PACSIN2: variants seen among roughly 807,000 people sequenced by gnomAD.
PACSIN2 encodes protein kinase C and casein kinase substrate in neurons 2.
PACSIN2 carries 25 observed loss-of-function variants against 63.8 expected under a neutral mutation model. That is an observed-to-expected ratio of 0.39 (90% CI 0.29 to 0.55). The LOEUF (loss-of-function observed/expected upper bound fraction) is 0.55, where lower values mean the gene tolerates loss of function less well. Ranked by LOEUF, PACSIN2 falls within the 20% of genes least tolerant of loss-of-function variation. The pLI is 0.62. For missense variants in PACSIN2, 518 were observed against 646.9 expected (o/e 0.80, Z 2.16); for synonymous variants, 255 against 256.2 (o/e 1.00, Z 0.05).
rs57361433 is a variant in PACSIN2 at position 42,984,122 on chromosome 22, C to A, written c.-78+30899G>T. ...AGCAGCTGGGATCATAGGTGTGCACCACCACATCTGGCTAATTTTTATGTT... is the reference window on the plus strand; with the variant it reads ...AGCAGCTGGGATCATAGGTGTGCACAACCACATCTGGCTAATTTTTATGTT... On this transcript the variant is annotated intron_variant, in intron 1 of 10. Transcript: ENST00000263246. Among the ~76,000 whole-genome samples the A allele has an allele frequency of 2.1e-4, 32 of 152,060 alleles. No individual in the cohort carries two copies. The East Asian group carries it at 4.6e-3, about 22-fold the overall frequency.
intron 1 of PACSIN2, among the ~76,000 whole-genome samples, chr22:43,009,072 T>C (rs754015061): frequency 6.6e-6 from 1 of 152,158 alleles, no homozygotes; most frequent in African/African-American, 2.4e-5. Flanking sequence ...GATGAACAAA[T>C]AGTTTCCTCT....
At chr22:42,992,153 AAACT>A (rs1330630607) in intron 1 of PACSIN2, among the ~76,000 whole-genome samples, 1 of 152,270 alleles carries the variant, frequency 6.6e-6, no homozygotes, top group Non-Finnish European at 1.5e-5. Flanking sequence ...AAAAATTTCA[AAACT>A]AAGTTAATAA....
At chr22:42,905,989 G>T (rs1320090986) in intron 2 of PACSIN2, among the ~76,000 whole-genome samples, 2 of 152,258 alleles carry the variant, frequency 1.3e-5, no homozygotes, top group Non-Finnish European at 2.9e-5. Flanking sequence ...CCCATGTGCT[G>T]TGCATGGCAC....
chr22:42,953,171 A>G (rs1933774334), intron 1 of PACSIN2, among the ~76,000 whole-genome samples: 3 of 152,182 alleles, frequency 2.0e-5, no homozygotes, highest in South Asian at 2.1e-4. Context: ...TGGAGTTAAA[A>G]TGTTTTCTAT....
chr22:42,961,765 C>T (rs192417893), intron 1 of PACSIN2, among the ~76,000 whole-genome samples: 1 of 151,862 alleles, frequency 6.6e-6, no homozygotes, highest in East Asian at 1.9e-4. Flanking sequence ...AGAGCGAGAT[C>T]CTGTCTCAAA....
intron 1 of PACSIN2, among the ~76,000 whole-genome samples, chr22:42,983,497 A>AAAC (rs1555944096): frequency 6.9e-6 from 1 of 144,784 alleles, no homozygotes; most frequent in Non-Finnish European, 1.5e-5. Context: ...CTCAAAAAAA[A>AAAC]AAAAAAAAAA....
At chr22:42,920,367 G>C (rs578096754) in intron 1 of PACSIN2, among the ~76,000 whole-genome samples, 1 of 152,308 alleles carries the variant, frequency 6.6e-6, no homozygotes, top group Admixed American at 6.5e-5. Flanking sequence ...ATGGGGTGGT[G>C]TGTGCTGAGT....
At chr22:43,013,989 G>A (rs1484477087) in intron 1 of PACSIN2, among the ~76,000 whole-genome samples, 1 of 152,106 alleles carries the variant, frequency 6.6e-6, no homozygotes, top group Non-Finnish European at 1.5e-5. Flanking sequence ...ATACGTCAAA[G>A]GCTGCAGCCG....
chr22:42,933,671 C>T (rs575744537), intron 1 of PACSIN2, among the ~76,000 whole-genome samples: 3 of 152,218 alleles, frequency 2.0e-5, no homozygotes, highest in Non-Finnish European at 4.4e-5. Flanking sequence ...CAAACCCCAA[C>T]GGGGCCCTCA....
intron 1 of PACSIN2, among the ~76,000 whole-genome samples, chr22:42,931,742 A>G (rs978363214): frequency 1.3e-5 from 2 of 152,190 alleles, no homozygotes; most frequent in African/African-American, 4.8e-5. Flanking sequence ...TTTTTAATTT[A>G]ACAGAGCCAT....
chr22:42,895,425 A>T (rs955730419), intron 2 of PACSIN2, among the ~76,000 whole-genome samples: 3 of 152,216 alleles, frequency 2.0e-5, no homozygotes, highest in Non-Finnish European at 4.4e-5. Context: ...GCTGGTTTTC[A>T]TCTGCCTATT....
At position 42,930,489 on chromosome 22, in the gene PACSIN2, G is replaced by C. The variant is rs1932762124; in HGVS notation, c.-77-18332C>G. On this transcript the variant is annotated intron_variant, in intron 1 of 10. Coordinates refer to ENST00000263246, the MANE Select transcript of PACSIN2 (RefSeq NM_001184970.3). Reference sequence around the variant, plus strand: ...TCAATCCTGACCCAAGAAGTACATGGATACCCACGTTCACACCACATAAAC... The same window carrying C: ...TCAATCCTGACCCAAGAAGTACATGCATACCCACGTTCACACCACATAAAC... Among the ~76,000 whole-genome samples, 2 of 152,104 alleles carry C rather than the reference G, an allele frequency of 1.3e-5. 1 individual carries two copies. Among genetic ancestry groups the C allele is most frequent in the Non-Finnish European group, 2.9e-5 (2 of 68,038 alleles).
chr22:42,924,761 T>A (rs1287367735), intron 1 of PACSIN2, among the ~76,000 whole-genome samples: 1 of 147,834 alleles, frequency 6.8e-6, no homozygotes, highest in African/African-American at 2.5e-5. Context: ...TTTTTTTTCT[T>A]TTTTTTTTTT....
At chr22:43,013,785 C>T (rs567408423) in intron 1 of PACSIN2, among the ~76,000 whole-genome samples, 2 of 152,336 alleles carry the variant, frequency 1.3e-5, no homozygotes, top group East Asian at 3.9e-4. Context: ...TTCATCAAGA[C>T]AGCCAGGCAG....
At chr22:42,984,585 A>G (rs1922478279) in intron 1 of PACSIN2, among the ~76,000 whole-genome samples, 1 of 152,194 alleles carries the variant, frequency 6.6e-6, no homozygotes, top group Admixed American at 6.5e-5. Context: ...GCGGGTTGAC[A>G]ACACCTGCTG....
chr22:43,002,053 G>A (rs1601619582), intron 1 of PACSIN2, among the ~76,000 whole-genome samples: 1 of 152,178 alleles, frequency 6.6e-6, no homozygotes, highest in East Asian at 1.9e-4. Context: ...CAGCAGACCA[G>A]AACAGAAAAA....
intron 1 of PACSIN2, among the ~76,000 whole-genome samples, chr22:42,994,848 G>A (rs758363389): frequency 7.9e-5 from 12 of 152,162 alleles, no homozygotes; most frequent in Non-Finnish European, 2.9e-5. Context: ...CCACAGCCTC[G>A]CAGCCAGCGA....
At chr22:42,909,161 T>C (rs1194718892) in intron 2 of PACSIN2, among the ~76,000 whole-genome samples, 1 of 152,150 alleles carries the variant, frequency 6.6e-6, no homozygotes, top group Non-Finnish European at 1.5e-5. Flanking sequence ...CTGCCTTTCC[T>C]GCCCTTCCCC....
chr22:42,923,611 T>A (rs1601526630), intron 1 of PACSIN2, among the ~76,000 whole-genome samples: 1 of 152,298 alleles, frequency 6.6e-6, no homozygotes, highest in East Asian at 1.9e-4. Flanking sequence ...GTATTTTTAG[T>A]AGAGACGGGG....
Sources: allele counts gnomAD v4.1 joint callset (sites outside exome capture counted in the v4.1 genomes callset), GRCh38; gene constraint gnomAD v4.1.1; transcripts MANE v1.5; gene names NCBI Gene and HGNC (gene_info 2026-07-23, HGNC 2026-07-21).